CSMD1: variants seen among roughly 807,000 people sequenced by gnomAD.
The protein encoded by CSMD1 is CUB and sushi domain-containing protein 1.
A neutral mutation model predicts 417.5 loss-of-function variants in CSMD1; 213 were observed. The ratio of observed to expected loss-of-function variants is 0.51; its 90% CI spans 0.46 to 0.57. CSMD1 has a LOEUF of 0.57. Ranked by LOEUF, CSMD1 falls within the 20% of genes least tolerant of loss-of-function variation. The pLI is 0.00. For missense variants in CSMD1, 6,923 were observed against 4,529.7 expected, an observed-to-expected ratio of 1.53 and a Z score of -15.17; for synonymous variants, 2,862 against 1,736.8, an observed-to-expected ratio of 1.65 and a Z score of -16.11.
At position 3,917,194 on chromosome 8, in the gene CSMD1, C is replaced by G. The variant is rs548070032; in HGVS notation, c.818+80709G>C. Among the ~76,000 whole-genome samples the G allele has an allele frequency of 3.9e-5, 6 of 152,308 alleles. No individual in the cohort carries two copies. In the South Asian group the frequency reaches 1.2e-3, roughly 32 times the overall value. ...TACAAATATTTATGGAGCGCTTAATCTCAGCTAAGTGTTTCCCATGAGCCA... is the reference window on the plus strand; with the variant it reads ...TACAAATATTTATGGAGCGCTTAATGTCAGCTAAGTGTTTCCCATGAGCCA... On this transcript the variant is annotated intron_variant, in intron 5 of 69. Transcript: ENST00000635120.
At chr8:3,451,526 C>T (rs1048551642) in intron 12 of CSMD1, among the ~76,000 whole-genome samples, 2 of 152,176 alleles carry the variant, frequency 1.3e-5, no homozygotes, top group Non-Finnish European at 2.9e-5. Context: ...TTTCGTCTTT[C>T]TACATATAGC....
intron 5 of CSMD1, among the ~76,000 whole-genome samples, chr8:3,978,906 A>G (rs56239202): frequency 0.031 from 4,747 of 152,304 alleles, 235 homozygotes; most frequent in African/African-American, 0.11. Context: ...TGAGAAGACA[A>G]GGAATTAGCG....
chr8:4,091,792 T>A (rs1228685759), intron 3 of CSMD1, among the ~76,000 whole-genome samples: 1 of 152,194 alleles, frequency 6.6e-6, no homozygotes, highest in Non-Finnish European at 1.5e-5. Flanking sequence ...GTCACAAGGT[T>A]GGTAAAATAC....
At chr8:4,316,281 C>A (rs369084137) in intron 3 of CSMD1, among the ~76,000 whole-genome samples, 2 of 152,094 alleles carry the variant, frequency 1.3e-5, no homozygotes, top group South Asian at 4.1e-4. Flanking sequence ...TTGTTGTGAT[C>A]TGTAAGATAT....
chr8:4,985,982 A>G (rs1037134408), intron 1 of CSMD1, among the ~76,000 whole-genome samples: 1 of 152,162 alleles, frequency 6.6e-6, no homozygotes, highest in African/African-American at 2.4e-5. Context: ...TAGTTTGCCA[A>G]GGTCTCTCTT....
intron 6 of CSMD1, among the ~76,000 whole-genome samples, chr8:3,715,779 G>A (rs1347346157): frequency 2.6e-5 from 4 of 152,130 alleles, no homozygotes; most frequent in Admixed American, 6.5e-5. Context: ...CCGACCTCAT[G>A]TGATCCTCCC....
intron 3 of CSMD1, among the ~76,000 whole-genome samples, chr8:4,247,223 C>T (rs1394486): frequency 2.0e-5 from 3 of 151,900 alleles, no homozygotes; most frequent in South Asian, 2.1e-4. Context: ...CCTGGAACAG[C>T]GAGAAAGGGA....
intron 5 of CSMD1, among the ~76,000 whole-genome samples, chr8:3,887,208 T>C (rs997105407): frequency 6.6e-6 from 1 of 152,146 alleles, no homozygotes; most frequent in African/African-American, 2.4e-5. Flanking sequence ...GCAATCAGCG[T>C]CAACAAGGAA....
intron 1 of CSMD1, among the ~76,000 whole-genome samples, chr8:4,671,384 T>C (rs184369587): frequency 9.4e-4 from 143 of 152,286 alleles, no homozygotes; most frequent in Non-Finnish European, 1.7e-3. Context: ...CCCAAGTCTG[T>C]TTGTGTAATC....
At chr8:4,547,035 C>T (rs973041348) in intron 2 of CSMD1, among the ~76,000 whole-genome samples, 1 of 152,120 alleles carries the variant, frequency 6.6e-6, no homozygotes, top group African/African-American at 2.4e-5. Context: ...CTTCTTTGAG[C>T]TCCAAATTCA....
At chr8:3,042,581 C>A (rs968247464) in intron 50 of CSMD1, among the ~76,000 whole-genome samples, 1 of 152,100 alleles carries the variant, frequency 6.6e-6, no homozygotes, top group African/African-American at 2.4e-5. Flanking sequence ...ACATGGGTAA[C>A]CCTGTGGATG....
At chr8:3,578,993 G>A (rs1302918053) in intron 9 of CSMD1, among the ~76,000 whole-genome samples, 1 of 152,130 alleles carries the variant, frequency 6.6e-6, no homozygotes, top group Non-Finnish European at 1.5e-5. Context: ...CAAAGGCCTT[G>A]CCTCTTGGAA....
intron 2 of CSMD1, among the ~76,000 whole-genome samples, chr8:4,599,484 G>C (rs564814917): frequency 2.0e-5 from 3 of 151,410 alleles, no homozygotes; most frequent in Admixed American, 1.3e-4. Flanking sequence ...AATTTGAGTG[G>C]AACTTCTAAA....
chr8:4,247,602 A>G (rs1369967874), intron 3 of CSMD1, among the ~76,000 whole-genome samples: 2 of 152,204 alleles, frequency 1.3e-5, no homozygotes, highest in Admixed American at 6.5e-5. Context: ...CCTGCATTAC[A>G]TAATTACAAG....
At chr8:3,123,748 C>T (rs567625545) in intron 41 of CSMD1, among the ~76,000 whole-genome samples, 5 of 152,258 alleles carry the variant, frequency 3.3e-5, no homozygotes, top group Admixed American at 2.6e-4. Context: ...GCCTCAATTA[C>T]CAGAATACAA....
chr8:3,873,252 G>A (rs868095933), intron 5 of CSMD1, among the ~76,000 whole-genome samples: 2 of 152,052 alleles, frequency 1.3e-5, no homozygotes, highest in East Asian at 1.9e-4. Context: ...ACACATGCAG[G>A]TGTATGTTCA....
intron 26 of CSMD1, among the ~76,000 whole-genome samples, chr8:3,252,089 C>T (rs899123287): frequency 9.9e-5 from 15 of 152,204 alleles, no homozygotes; most frequent in African/African-American, 3.6e-4. Context: ...CCAGAACTTC[C>T]AACACTATGT....
intron 1 of CSMD1, among the ~76,000 whole-genome samples, chr8:4,974,111 C>T (rs1047999711): frequency 3.3e-5 from 5 of 152,012 alleles, no homozygotes; most frequent in Non-Finnish European, 7.4e-5. Flanking sequence ...ATCTCCGCCT[C>T]TTGGGCTTGA....
intron 7 of CSMD1, among the ~76,000 whole-genome samples, chr8:3,627,691 C>T (rs547085075): frequency 2.4e-4 from 36 of 152,164 alleles, no homozygotes; most frequent in African/African-American, 8.2e-4. Flanking sequence ...ATGGTAAGCA[C>T]GTTTTTATGT....
Sources: allele counts gnomAD v4.1 joint callset (sites outside exome capture counted in the v4.1 genomes callset), GRCh38; gene constraint gnomAD v4.1.1; transcripts MANE v1.5; gene names NCBI Gene and HGNC (gene_info 2026-07-23, HGNC 2026-07-21).